The following METTL21A variants were observed in gnomAD, a reference collection of about 807,000 sequenced individuals.
The protein encoded by METTL21A is methyltransferase 21A, HSPA lysine, also known as protein N-lysine methyltransferase METTL21A.
In METTL21A, 22 loss-of-function variants were observed where a neutral mutation model predicts 20.9. The observed-to-expected ratio is 1.05, with a 90% CI of 0.75 to 1.50. The LOEUF is 1.50. Among genes scored for constraint, METTL21A ranks in the 40% most tolerant of loss-of-function variants. The probability of loss-of-function intolerance (pLI) is 0.00; values close to 1 mark genes in which losing one functional copy is unlikely to be tolerated. For missense variants in METTL21A, 271 were observed against 266.8 expected, an observed-to-expected ratio of 1.02 and a Z score of -0.11; for synonymous variants, 93 against 102.0, an observed-to-expected ratio of 0.91 and a Z score of 0.53.
chr2:207,614,823 C>G (rs1308249594), intron 3 of METTL21A, among the ~76,000 whole-genome samples: 1 of 152,210 alleles, frequency 6.6e-6, no homozygotes, highest in African/African-American at 2.4e-5. Flanking sequence ...GTACTCTTTA[C>G]TTCTGACCCC....
At chr2:207,620,630 C>G (rs2090374384) in intron 3 of METTL21A, 1 of 1,529,276 alleles carries the variant, frequency 6.5e-7, no homozygotes, top group African/African-American at 1.4e-5. Flanking sequence ...CGGGAATGTT[C>G]TAAGGCTCAC....
chr2:207,612,385 C>A (rs145143490), downstream of METTL21A: 2 of 151,928 alleles, frequency 1.3e-5, no homozygotes, highest in Admixed American at 1.3e-4. Context: ...CAGGCATGAG[C>A]CACCGCATCC....
At chr2:207,597,139 T>C in intron 3 of METTL21A, 2 of 1,429,004 alleles carry the variant, frequency 1.4e-6, no homozygotes, top group Admixed American at 5.4e-5. Flanking sequence ...AAACATTTTA[T>C]TTTCTAAACA....
chr2:207,582,910 C>CA (rs762922292), intron 3 of METTL21A: 32 of 201,278 alleles, frequency 1.6e-4, no homozygotes, highest in African/African-American at 4.1e-4. Context: ...AACAAACAAA[C>CA]AAAAAAAAAT....
At chr2:207,591,526 T>G (rs1396875531) in intron 3 of METTL21A, among the ~76,000 whole-genome samples, 1 of 152,140 alleles carries the variant, frequency 6.6e-6, no homozygotes, top group Non-Finnish European at 1.5e-5. Context: ...TCCACCTCCC[T>G]GATTCAAGTG....
chr2:207,606,659 G>A (rs1007283867), downstream of METTL21A, among the ~76,000 whole-genome samples: 9 of 152,118 alleles, frequency 5.9e-5, no homozygotes, highest in Admixed American at 3.9e-4. Flanking sequence ...TCTAGGTAGA[G>A]GTTCTGGGGA....
At chr2:207,622,055 T>C in intron 2 of METTL21A, 138 bp from the exon 3 acceptor site, 1 of 722,942 alleles carries the variant, frequency 1.4e-6, no homozygotes, top group Non-Finnish European at 2.4e-6. Flanking sequence ...GGAACTTAGC[T>C]GGTGCAGCAA....
intron 3 of METTL21A, among the ~76,000 whole-genome samples, chr2:207,589,089 A>T (rs1264457734): frequency 6.6e-6 from 1 of 152,042 alleles, no homozygotes; most frequent in African/African-American, 2.4e-5. Flanking sequence ...GGGGTGTATT[A>T]GTTTTCTATT....
chr2:207,587,019 CTT>C (rs892119722), intron 3 of METTL21A, among the ~76,000 whole-genome samples: 4 of 152,250 alleles, frequency 2.6e-5, no homozygotes, highest in East Asian at 3.9e-4. Flanking sequence ...CTTTCTAACT[CTT>C]TGTGTTAGAA....
chr2:207,596,008 T>G (rs772599410), intron 3 of METTL21A, among the ~76,000 whole-genome samples: 1 of 152,256 alleles, frequency 6.6e-6, no homozygotes, highest in African/African-American at 2.4e-5. Context: ...CTATTTTTGC[T>G]TTTGTTACCT....
downstream of METTL21A, among the ~76,000 whole-genome samples, chr2:207,604,440 C>T (rs2087706898): frequency 6.6e-6 from 1 of 151,702 alleles, no homozygotes; most frequent in Non-Finnish European, 1.5e-5. Context: ...AAAGCACTAC[C>T]TTAATCAGTG....
intron 3 of METTL21A, chr2:207,601,844 C>T (rs1390170689): frequency 4.6e-6 from 1 of 218,358 alleles, no homozygotes; most frequent in African/African-American, 2.2e-5. Flanking sequence ...GTACAAAGCA[C>T]AACTAGAACT....
intron 3 of METTL21A, among the ~76,000 whole-genome samples, chr2:207,586,181 G>A (rs2083805105): frequency 6.6e-6 from 1 of 152,128 alleles, no homozygotes; most frequent in Admixed American, 6.5e-5. Context: ...CACACTACCT[G>A]ACTTCAAAAT....
chr2:207,618,189 C>G (rs145253307), intron 3 of METTL21A, among the ~76,000 whole-genome samples: 240 of 152,278 alleles, frequency 1.6e-3, no homozygotes, highest in Middle Eastern at 6.8e-3. Context: ...TTTTAAAATT[C>G]AGATTCCCTG....
intron 3 of METTL21A, among the ~76,000 whole-genome samples, chr2:207,587,497 A>G (rs2084098031): frequency 1.3e-5 from 2 of 152,346 alleles, no homozygotes; most frequent in South Asian, 2.1e-4. Flanking sequence ...AAAGGAAACC[A>G]GTATTGCATC....
chr2:207,619,919 T>C (rs2090277799), intron 3 of METTL21A, among the ~76,000 whole-genome samples: 1 of 152,146 alleles, frequency 6.6e-6, no homozygotes, highest in Non-Finnish European at 1.5e-5. Context: ...GATGGGGTAA[T>C]CAATGTTTAA....
At chr2:207,605,728 G>A (rs138513652), downstream of METTL21A, among the ~76,000 whole-genome samples, 212 of 152,248 alleles carry the variant, frequency 1.4e-3, 1 homozygote, top group African/African-American at 4.8e-3. Flanking sequence ...CCTCTTCTGG[G>A]GACATTTGGC....
At chr2:207,617,365 TC>T (rs1311725141) in intron 3 of METTL21A, among the ~76,000 whole-genome samples, 1 of 152,062 alleles carries the variant, frequency 6.6e-6, no homozygotes, top group East Asian at 1.9e-4. Flanking sequence ...GAGAAATTCT[TC>T]AAGAGGAGCA....
At chr2:207,589,169 A>G (rs2084492846) in intron 3 of METTL21A, among the ~76,000 whole-genome samples, 1 of 152,118 alleles carries the variant, frequency 6.6e-6, no homozygotes, top group South Asian at 2.1e-4. Context: ...CCAGTTCTAT[A>G]AGATCAGAGG....
Sources: gnomAD v4.1 joint callset for allele counts (sites outside exome capture counted in the v4.1 genomes callset) on GRCh38, gnomAD v4.1.1 for gene constraint, MANE v1.5 for transcripts, NCBI Gene and HGNC (gene_info 2026-07-23, HGNC 2026-07-21) for gene names.